Variants in ABCA6 observed in about 807,000 individuals in gnomAD.
ABCA6 encodes ATP-binding cassette sub-family A member 6.
A neutral mutation model predicts 191.2 loss-of-function variants in ABCA6; 164 were observed. That is an observed-to-expected ratio of 0.86 (90% CI 0.76 to 0.98). The LOEUF (loss-of-function observed/expected upper bound fraction) is 0.98, where lower values mean the gene tolerates loss of function less well. Among genes scored for constraint, ABCA6 ranks in the 50% least tolerant of loss-of-function variants. The pLI is 0.00. For synonymous variants in ABCA6, 636 were observed against 647.7 expected (o/e 0.98, Z 0.27); for missense variants, 1,958 against 1,894.1 (o/e 1.03, Z -0.63).
chr17:69,137,631 C>T lies in ABCA6; in HGVS notation c.97-131G>A, dbSNP rs544481283. On this transcript the variant is annotated intron_variant, in intron 2 of 38. Transcript: ENST00000284425. ...GTTATGTTCTCTCTGCTCTCCAAGCCTCAGAGCATGGAGAATCAAATGAAA... is the reference window on the plus strand; with the variant it reads ...GTTATGTTCTCTCTGCTCTCCAAGCTTCAGAGCATGGAGAATCAAATGAAA... 7.7e-5 allele frequency: 60 copies of T among 781,016 alleles called. No homozygotes were observed. Among genetic ancestry groups the T allele is most frequent in the Non-Finnish European group, 1.2e-4 (60 of 506,186 alleles). 48.4% of individuals were successfully genotyped at this position (781,016 alleles called of 1,614,324 possible). A position where few individuals can be genotyped will look rare whatever the true frequency, so the allele number is the denominator to read the frequency against.
At chr17:69,121,290 A>C (rs2144689719) in intron 10 of ABCA6, among the ~76,000 whole-genome samples, 1 of 152,230 alleles carries the variant, frequency 6.6e-6, no homozygotes, top group Admixed American at 6.5e-5. Flanking sequence ...GATGGTCAAA[A>C]GGCAGTTTTA....
At chr17:69,113,090 G>C in intron 15 of ABCA6, 132 bp downstream of exon 15, 1 of 1,049,218 alleles carries the variant, frequency 9.5e-7, no homozygotes, top group Non-Finnish European at 1.3e-6. Flanking sequence ...CTAGACTCCT[G>C]TCGTCCTCCT....
intron 3 of ABCA6, among the ~76,000 whole-genome samples, chr17:69,136,738 C>T (rs949684623): frequency 3.3e-5 from 5 of 152,122 alleles, no homozygotes; most frequent in African/African-American, 4.8e-5. Context: ...AGCCAAATTG[C>T]ACCCAATTTG....
rs771383519 is a variant in ABCA6, at chr17:69,105,675, T to G, written c.2574-47A>C. ...GCATATTAATCTCCAGGAATTTTAT[T>G]TATTTAGTAAGACATTCCACAAGTA... On this transcript the variant is annotated intron_variant, in intron 19 of 38. Transcript: ENST00000284425. 4 of 1,324,616 alleles carry G rather than the reference T, an allele frequency of 3.0e-6. No individual in the cohort carries two copies. In the Admixed American group the frequency reaches 8.7e-5, roughly 29 times the overall value. 82.1% of individuals were successfully genotyped at this position (1,324,616 alleles called of 1,614,324 possible). A position where few individuals can be genotyped will look rare whatever the true frequency, so the allele number is the denominator to read the frequency against.
rs1390135370 is a variant in ABCA6, at chr17:69,114,775, T to G, written c.1769A>C (p.Glu590Ala). ...FAKIKGIHLKEVEQEVQRILL... is the reference protein window; with the variant it reads ...FAKIKGIHLKAVEQEVQRILL... ...ATGCCCTCCTACCTCTTGTTCCACTTCCTTTAGATGAATCCCTTTTATTTT... is the reference window on the plus strand; with the variant it reads ...ATGCCCTCCTACCTCTTGTTCCACTGCCTTTAGATGAATCCCTTTTATTTT... The change falls in exon 13 of 39, where the codon GAA (glutamate) becomes GCA (alanine). Residue 590 changes from glutamate to alanine, a missense_variant. By Grantham distance (107) the Glu-to-Ala change is moderately radical. Coordinates refer to ENST00000284425, the MANE Select transcript of ABCA6 (RefSeq NM_080284.3). 6.2e-7 allele frequency: 1 copy of G among 1,609,376 alleles called. No individual in the cohort carries two copies.
intron 2 of ABCA6, among the ~76,000 whole-genome samples, chr17:69,140,187 C>T (rs978866372): frequency 6.6e-6 from 1 of 152,236 alleles, no homozygotes; most frequent in African/African-American, 2.4e-5. Context: ...AGCCCACCTG[C>T]TTGATGCAAA....
At chr17:69,107,561 A>G in intron 18 of ABCA6, 135 bp downstream of exon 18, 1 of 662,664 alleles carries the variant, frequency 1.5e-6, no homozygotes. Context: ...ATGACAGCCC[A>G]TCTCAAACAG....
intron 7 of ABCA6, 28 bp downstream of exon 7, chr17:69,129,582 G>A (rs1329349151): frequency 1.3e-6 from 2 of 1,550,350 alleles, no homozygotes; most frequent in Admixed American, 3.9e-5. Context: ...CTAAAGCAGA[G>A]AAAGTGGTAA....
intron 11 of ABCA6, among the ~76,000 whole-genome samples, chr17:69,116,675 C>T (rs575804741): frequency 7.9e-5 from 12 of 151,986 alleles, no homozygotes; most frequent in Non-Finnish European, 1.0e-4. Flanking sequence ...TGGAATGGTA[C>T]TTAGCTTCTG....
chr17:69,082,469 A>G lies in ABCA6; in HGVS notation c.4616+404T>C, dbSNP rs574665378. Reference sequence around the variant, plus strand: ...AGACTCTTTGATTATCTCAATTGCCATTTGTTTCCTATGGGGAAAATTCAC... The same window carrying G: ...AGACTCTTTGATTATCTCAATTGCCGTTTGTTTCCTATGGGGAAAATTCAC... On this transcript the variant is annotated intron_variant, in intron 36 of 38. Coordinates refer to ENST00000284425, the MANE Select transcript of ABCA6 (RefSeq NM_080284.3). Among the ~76,000 whole-genome samples the G allele has an allele frequency of 4.6e-5, 7 of 152,214 alleles. No individual in the cohort carries two copies. In the East Asian group the frequency reaches 1.4e-3, roughly 29 times the overall value.
intron 7 of ABCA6, 58 bp downstream of exon 7, chr17:69,129,552 T>C: frequency 7.0e-7 from 1 of 1,432,772 alleles, no homozygotes; most frequent in Non-Finnish European, 9.5e-7. Flanking sequence ...GCATTAATAT[T>C]AGCTACATAT....
At chr17:69,112,131 C>T in intron 16 of ABCA6, 52 bp downstream of exon 16, 1 of 1,311,910 alleles carries the variant, frequency 7.6e-7, no homozygotes. Flanking sequence ...CCACCTTTTT[C>T]ATATACCAGT....
intron 34 of ABCA6, 124 bp downstream of exon 34, chr17:69,084,137 A>T (rs2072710077): frequency 1.3e-6 from 1 of 789,590 alleles, no homozygotes; most frequent in Non-Finnish European, 2.0e-6. Context: ...TTTTCCTGAT[A>T]ATATAAATTA....
chr17:69,103,900 GA>G (rs1291294595), intron 20 of ABCA6: 4 of 50,242 alleles, frequency 8.0e-5, no homozygotes, highest in African/African-American at 2.1e-4. Flanking sequence ...TGAATAAGAG[GA>G]AAAGAAGGAC....
chr17:69,138,969 G>A (rs1336847628), intron 2 of ABCA6, among the ~76,000 whole-genome samples: 2 of 151,822 alleles, frequency 1.3e-5, no homozygotes, highest in Non-Finnish European at 2.9e-5. Context: ...AGACTTAAAC[G>A]TTAGACCTAA....
Position 69,137,278 on chromosome 17 carries a change from T to G in ABCA6, c.301+18A>C, listed in dbSNP as rs749180109. ...AGACATCTATCAGTAACTCTTTTTT[T>G]GCCATGAGTACACCTACCTTTCAAA... On this transcript the variant is annotated intron_variant, in intron 3 of 38. Coordinates refer to ENST00000284425, the MANE Select transcript of ABCA6 (RefSeq NM_080284.3). 2 of 1,605,324 alleles carry G rather than the reference T, an allele frequency of 1.2e-6. No individual in the cohort carries two copies. Among genetic ancestry groups the G allele is most frequent in the Admixed American group, 1.7e-5 (1 of 59,070 alleles).
chr17:69,111,723 A>T (rs2073426405), intron 16 of ABCA6: 1 of 154,302 alleles, frequency 6.5e-6, no homozygotes, highest in South Asian at 2.0e-4. Flanking sequence ...CATTAGCAGC[A>T]TGAGAACAGA....
chr17:69,111,191 G>C lies in ABCA6; in HGVS notation c.2133-251C>G, dbSNP rs1307406590. ...TATAATGTAAATGGAACTATATAGA[G>C]TTTTATATGTATAGTTATAGATAAA... On this transcript the variant is annotated intron_variant, in intron 16 of 38. Transcript: ENST00000284425. 3 of 267,486 alleles carry C rather than the reference G, an allele frequency of 1.1e-5. No homozygotes were observed. The East Asian group carries it at 2.2e-4, about 20-fold the overall frequency. 16.6% of individuals were successfully genotyped at this position (267,486 alleles called of 1,614,324 possible). A position where few individuals can be genotyped will look rare whatever the true frequency, so the allele number is the denominator to read the frequency against.
At chr17:69,090,938 C>T (rs1216578049) in intron 26 of ABCA6, among the ~76,000 whole-genome samples, 1 of 152,104 alleles carries the variant, frequency 6.6e-6, no homozygotes, top group Non-Finnish European at 1.5e-5. Context: ...AAGAGTAGAA[C>T]TCAAGGATGT....
Sources: gnomAD v4.1 joint callset for allele counts (sites outside exome capture counted in the v4.1 genomes callset) on GRCh38, gnomAD v4.1.1 for gene constraint, MANE v1.5 for transcripts, NCBI Gene and HGNC (gene_info 2026-07-23, HGNC 2026-07-21) for gene names.